Variants in FAM81A observed in about 807,000 individuals in gnomAD.
FAM81A encodes the protein family with sequence similarity 81 member A.
A neutral mutation model predicts 46.7 loss-of-function variants in FAM81A; 19 were observed. That is an observed-to-expected ratio of 0.41 (90% CI 0.28 to 0.60). FAM81A has a LOEUF of 0.60. FAM81A is among the 20% of genes least tolerant of loss of function. The pLI is 0.34. For missense variants in FAM81A, 377 were observed against 453.5 expected, an observed-to-expected ratio of 0.83 and a Z score of 1.53; for synonymous variants, 183 against 152.9, an observed-to-expected ratio of 1.20 and a Z score of -1.45.
At chr15:59,483,189 C>T (rs2081875723) in intron 3 of FAM81A, among the ~76,000 whole-genome samples, 1 of 152,066 alleles carries the variant, frequency 6.6e-6, no homozygotes, top group African/African-American at 2.4e-5. Context: ...AGGTGCGTGC[C>T]ATCACGCCTG....
At chr15:59,500,165 G>T (rs941877583) in intron 4 of FAM81A, among the ~76,000 whole-genome samples, 1 of 151,840 alleles carries the variant, frequency 6.6e-6, no homozygotes, top group Non-Finnish European at 1.5e-5. Flanking sequence ...GATGTGTCTG[G>T]TATGGATCTC....
chr15:59,401,096 A>G (rs2081068132), intron 1 of FAM81A: 1 of 575,132 alleles, frequency 1.7e-6, no homozygotes, highest in Admixed American at 3.1e-5. Flanking sequence ...TAATGTTTGC[A>G]ATTTAATAAA....
chr15:59,417,994 C>T (rs11071443), intron 2 of FAM81A, among the ~76,000 whole-genome samples: 39,735 of 151,982 alleles, frequency 0.26, 5,374 homozygotes, highest in South Asian at 0.44. Context: ...ATTGTTCATT[C>T]CCCACCTGTG....
intron 3 of FAM81A, among the ~76,000 whole-genome samples, chr15:59,471,346 G>T (rs185876584): frequency 6.6e-6 from 1 of 152,168 alleles, no homozygotes. Flanking sequence ...CTGATGCATT[G>T]ACCCTTTTGC....
intron 4 of FAM81A, among the ~76,000 whole-genome samples, chr15:59,494,991 C>T (rs553655281): frequency 2.0e-5 from 3 of 152,188 alleles, no homozygotes; most frequent in South Asian, 4.1e-4. Flanking sequence ...CCTGAAGGCC[C>T]GATACATAGC....
intron 6 of FAM81A, among the ~76,000 whole-genome samples, chr15:59,511,798 G>T (rs1306223835): frequency 6.6e-6 from 1 of 151,978 alleles, no homozygotes; most frequent in Non-Finnish European, 1.5e-5. Flanking sequence ...CTACAGGCAC[G>T]TGCCACCATG....
At chr15:59,470,003 A>T (rs1355556992) in intron 3 of FAM81A, among the ~76,000 whole-genome samples, 1 of 152,006 alleles carries the variant, frequency 6.6e-6, no homozygotes, top group Admixed American at 6.6e-5. Context: ...GGGTGGAAAA[A>T]ATTCTTTTCT....
At chr15:59,459,873 G>T in intron 2 of FAM81A, 60 bp from the exon 3 acceptor site, 2 of 1,481,294 alleles carry the variant, frequency 1.4e-6, no homozygotes, top group Non-Finnish European at 1.8e-6. Context: ...GGGAAGTTTT[G>T]AATCTGGCTT....
intron 2 of FAM81A, among the ~76,000 whole-genome samples, chr15:59,414,300 A>G (rs2081136280): frequency 6.6e-6 from 1 of 152,148 alleles, no homozygotes; most frequent in Non-Finnish European, 1.5e-5. Flanking sequence ...GTAGGAGAGG[A>G]AAGACTTCCC....
rs2081509724 is a variant in FAM81A at position 59,458,428 on chromosome 15, A to G, written c.-77-122A>G. ...TCATGTATAAGATACAAAACATTTA[A>G]TAATATAACTTATCAGTGTTTCAAC... On this transcript the variant is annotated intron_variant, in intron 1 of 8. Coordinates refer to ENST00000288228, the MANE Select transcript of FAM81A (RefSeq NM_152450.3). 4 of 640,772 alleles carry G rather than the reference A, an allele frequency of 6.2e-6. No homozygotes were observed. The Admixed American group carries it at 1.2e-4, about 19-fold the overall frequency. The allele number at this position is 640,772 out of a possible 1,614,324, so 39.7% of individuals were successfully genotyped here. A position where few individuals can be genotyped will look rare whatever the true frequency, so the allele number is the denominator to read the frequency against.
At chr15:59,436,854 A>G (rs949493614), upstream of FAM81A, among the ~76,000 whole-genome samples, 3 of 152,238 alleles carry the variant, frequency 2.0e-5, no homozygotes, top group Non-Finnish European at 4.4e-5. Context: ...TCTCCTGGTC[A>G]CAACGGCAGT....
chr15:59,475,009 C>T (rs540258451), intron 3 of FAM81A, among the ~76,000 whole-genome samples: 4 of 152,214 alleles, frequency 2.6e-5, no homozygotes, highest in South Asian at 2.1e-4. Context: ...CTTTAGTTCT[C>T]ACTGAGTTCT....
intron 2 of FAM81A, chr15:59,409,053 C>T (rs1319394486): frequency 6.6e-6 from 1 of 152,116 alleles, no homozygotes; most frequent in South Asian, 2.1e-4. Flanking sequence ...ATTAAAACGT[C>T]ATCAAAAGGG....
At chr15:59,503,181 A>G (rs1034446933) in intron 4 of FAM81A, among the ~76,000 whole-genome samples, 99 of 142,648 alleles carry the variant, frequency 6.9e-4, no homozygotes, top group African/African-American at 2.3e-3. Flanking sequence ...GGTTGCAGTG[A>G]GCTGAGATCG....
At chr15:59,458,679 G>T in intron 2 of FAM81A, 33 bp downstream of exon 2, 12 of 1,578,582 alleles carry the variant, frequency 7.6e-6, no homozygotes, top group Non-Finnish European at 1.0e-5. Context: ...TCCCATGGGG[G>T]CTGCTAGTGG....
chr15:59,406,689 G>A (rs1452170404), intron 2 of FAM81A, among the ~76,000 whole-genome samples: 1 of 152,094 alleles, frequency 6.6e-6, no homozygotes, highest in Non-Finnish European at 1.5e-5. Context: ...GGCAACCGCT[G>A]ATCTACTTTC....
At position 59,521,463 on chromosome 15, in the gene FAM81A, T is replaced by G; in HGVS notation, c.*85T>G. 6.9e-7 allele frequency: 1 copy of G among 1,452,996 alleles called. No homozygotes were observed. Among genetic ancestry groups the G allele is most frequent in the African/African-American group, 1.4e-5 (1 of 69,908 alleles). 90.0% of individuals were successfully genotyped at this position (1,452,996 alleles called of 1,614,324 possible). ...CTCTGTAGCCAGGCCATCGCTGCATTCAGGATTGTTCCATCCATGGCGTGC... is the reference window on the plus strand; with the variant it reads ...CTCTGTAGCCAGGCCATCGCTGCATGCAGGATTGTTCCATCCATGGCGTGC... On this transcript the variant is annotated 3_prime_UTR_variant, in exon 9 of 9. Coordinates refer to ENST00000288228, the MANE Select transcript of FAM81A (RefSeq NM_152450.3).
chr15:59,424,126 T>G (rs2081185946), intron 2 of FAM81A, among the ~76,000 whole-genome samples: 1 of 152,222 alleles, frequency 6.6e-6, no homozygotes, highest in Non-Finnish European at 1.5e-5. Context: ...GTGACCTCCT[T>G]GTTGCCACGT....
In FAM81A at chr15:59,491,426, T is replaced by C. The variant is rs146503913; in HGVS notation, c.295-845T>C. ...GATGGTTACCAGAGGCTGAGAAGGA[T>C]AGTGGGGGGTGGGGTGGAAATGTGG... On this transcript the variant is annotated intron_variant, in intron 3 of 8. Coordinates refer to ENST00000288228, the MANE Select transcript of FAM81A (RefSeq NM_152450.3). Among the ~76,000 whole-genome samples the C allele has an allele frequency of 6.8e-4, 103 of 151,478 alleles. 4 individuals are homozygous for C. The East Asian group carries it at 0.02, about 29-fold the overall frequency.
Sources: gnomAD v4.1 joint callset for allele counts (sites outside exome capture counted in the v4.1 genomes callset) on GRCh38, gnomAD v4.1.1 for gene constraint, MANE v1.5 for transcripts, NCBI Gene and HGNC (gene_info 2026-07-23, HGNC 2026-07-21) for gene names.